Variants in CDH12 observed in about 807,000 individuals in gnomAD.
CDH12 encodes the protein cadherin 12, also known as cadherin-12.
Under a neutral mutation model 74.1 loss-of-function variants are expected in CDH12, and 41 were observed. The observed-to-expected ratio is 0.55, with a 90% CI of 0.43 to 0.72. The LOEUF (loss-of-function observed/expected upper bound fraction) is 0.72. Ranked by LOEUF, CDH12 falls within the 30% of genes least tolerant of loss-of-function variation. The pLI is 0.00. For synonymous variants in CDH12, 399 were observed against 355.0 expected, an observed-to-expected ratio of 1.12 and a Z score of -1.39; for missense variants, 945 against 977.2, an observed-to-expected ratio of 0.97 and a Z score of 0.44.
chr5:22,169,334 T>C (rs1748882068), intron 4 of CDH12, among the ~76,000 whole-genome samples: 1 of 152,042 alleles, frequency 6.6e-6, no homozygotes, highest in South Asian at 2.1e-4. Context: ...CTAACCTGCT[T>C]ACTGAGCCAA....
chr5:22,259,428 T>C (rs1753436579), intron 3 of CDH12, among the ~76,000 whole-genome samples: 1 of 152,120 alleles, frequency 6.6e-6, no homozygotes, highest in Admixed American at 6.6e-5. Flanking sequence ...TGAATACTTC[T>C]GGTATAAACC....
intron 10 of CDH12, among the ~76,000 whole-genome samples, chr5:21,792,277 A>G (rs1418818578): frequency 1.3e-5 from 2 of 151,898 alleles, no homozygotes; most frequent in African/African-American, 4.8e-5. Context: ...TTAAACCACC[A>G]GTTCCTACTT....
intron 8 of CDH12, among the ~76,000 whole-genome samples, chr5:21,821,254 T>C (rs1748355824): frequency 6.6e-6 from 1 of 151,844 alleles, no homozygotes. Context: ...AAAATATATT[T>C]ACCTTCCTTT....
intron 1 of CDH12, among the ~76,000 whole-genome samples, chr5:22,700,669 C>CTTTA (rs1304967946): frequency 6.6e-6 from 1 of 152,158 alleles, no homozygotes; most frequent in Non-Finnish European, 1.5e-5. Context: ...TCTTACTAAA[C>CTTTA]CACCTTCTTA....
chr5:22,818,520 T>A (rs528568768), intron 1 of CDH12, among the ~76,000 whole-genome samples: 1 of 152,240 alleles, frequency 6.6e-6, no homozygotes, highest in African/African-American at 2.4e-5. Context: ...AATAGTCTGT[T>A]TGTTTATTCT....
chr5:22,478,281 G>A (rs1186642176), intron 2 of CDH12, among the ~76,000 whole-genome samples: 2 of 151,794 alleles, frequency 1.3e-5, no homozygotes, highest in African/African-American at 4.8e-5. Flanking sequence ...AGCCGGGCGA[G>A]GTGGCGGGCG....
chr5:22,701,271 C>T (rs1259229435), intron 1 of CDH12, among the ~76,000 whole-genome samples: 1 of 152,110 alleles, frequency 6.6e-6, no homozygotes, highest in African/African-American at 2.4e-5. Context: ...CAGCAAATTG[C>T]ACCCTCATTG....
intron 3 of CDH12, among the ~76,000 whole-genome samples, chr5:22,346,643 C>A (rs1232329166): frequency 6.6e-6 from 1 of 152,136 alleles, no homozygotes; most frequent in Non-Finnish European, 1.5e-5. Context: ...TGGTACGTGG[C>A]ATGAAAGTTG....
intron 5 of CDH12, among the ~76,000 whole-genome samples, chr5:22,023,376 A>C (rs2150163849): frequency 6.6e-6 from 1 of 152,288 alleles, no homozygotes; most frequent in African/African-American, 2.4e-5. Flanking sequence ...TGCACACAGA[A>C]GTACTTAAAA....
At chr5:22,127,428 GA>G (rs1745937915) in intron 4 of CDH12, among the ~76,000 whole-genome samples, 1 of 147,426 alleles carries the variant, frequency 6.8e-6, no homozygotes, top group South Asian at 2.1e-4. Flanking sequence ...AGTGTGCCAA[GA>G]CCGCATCATT....
At position 22,115,423 on chromosome 5, in the gene CDH12, T is replaced by C. The variant is rs186205428; in HGVS notation, c.-186-36561A>G. 1.6e-3 allele frequency among the ~76,000 whole-genome samples: 242 copies of C among 152,284 alleles called. 2 individuals are homozygous for C. The highest frequency in any genetic ancestry group is 5.6e-3 in the African/African-American group (231 of 41,566). ...TATGATAATAAGATCAGAACCTGCA[T>C]TGTAAGATTAGCAGCTAAAAAGACA... On this transcript the variant is annotated intron_variant, in intron 4 of 14. Transcript: ENST00000382254.
Position 22,125,944 on chromosome 5 carries a change from T to C in CDH12, c.-186-47082A>G, listed in dbSNP as rs1247539054. Among the ~76,000 whole-genome samples, 5 of 139,506 alleles carry C rather than the reference T, an allele frequency of 3.6e-5. 1 individual carries two copies. Among genetic ancestry groups the C allele is most frequent in the African/African-American group, 1.0e-4 (4 of 38,550 alleles). The allele number at this position is 139,506 out of a possible 152,430, so 91.5% of individuals were successfully genotyped here. On this transcript the variant is annotated intron_variant, in intron 4 of 14. Transcript: ENST00000382254. ...TTAAGGGGAAAATTAGACCTTTTCC[T>C]CATTTCACTTTCATTGTTTTTTTTT...
intron 3 of CDH12, among the ~76,000 whole-genome samples, chr5:22,292,033 G>A (rs1253918566): frequency 6.6e-6 from 1 of 152,044 alleles, no homozygotes; most frequent in African/African-American, 2.4e-5. Flanking sequence ...AAATAACAGA[G>A]AGCTCAGAAA....
At chr5:22,121,195 G>A (rs1745493887) in intron 4 of CDH12, among the ~76,000 whole-genome samples, 1 of 152,130 alleles carries the variant, frequency 6.6e-6, no homozygotes, top group African/African-American at 2.4e-5. Flanking sequence ...TACACATATT[G>A]GGAAGAGGCA....
chr5:22,760,926 T>G (rs1335167514), intron 1 of CDH12, among the ~76,000 whole-genome samples: 1 of 152,188 alleles, frequency 6.6e-6, no homozygotes, highest in Non-Finnish European at 1.5e-5. Context: ...CTTTTTTTAT[T>G]GACAATTATT....
intron 4 of CDH12, among the ~76,000 whole-genome samples, chr5:22,209,353 A>T (rs1462765876): frequency 6.6e-6 from 1 of 152,166 alleles, no homozygotes; most frequent in Non-Finnish European, 1.5e-5. Flanking sequence ...CTGAATATGT[A>T]AGTCTGTTTT....
At chr5:22,082,616 A>T (rs953230815) in intron 4 of CDH12, among the ~76,000 whole-genome samples, 5 of 152,230 alleles carry the variant, frequency 3.3e-5, no homozygotes, top group Non-Finnish European at 7.3e-5. Flanking sequence ...GCAGTTGATC[A>T]CCGGTTACTG....
intron 1 of CDH12, among the ~76,000 whole-genome samples, chr5:22,571,765 G>A (rs1561498690): frequency 2.0e-5 from 3 of 152,188 alleles, no homozygotes; most frequent in South Asian, 4.1e-4. Context: ...CCCAGGGAGA[G>A]GGAGAGAGAC....
intron 1 of CDH12, among the ~76,000 whole-genome samples, chr5:22,670,433 C>G (rs989129139): frequency 6.6e-6 from 1 of 152,176 alleles, no homozygotes; most frequent in Non-Finnish European, 1.5e-5. Flanking sequence ...AAAGCTGCCT[C>G]TACCACCTGC....
Sources: allele counts gnomAD v4.1 joint callset (sites outside exome capture counted in the v4.1 genomes callset), GRCh38; gene constraint gnomAD v4.1.1; transcripts MANE v1.5; gene names NCBI Gene and HGNC (gene_info 2026-07-23, HGNC 2026-07-21).